Variants in TAFA1 observed in about 807,000 individuals in gnomAD.
TAFA1 encodes TAFA chemokine like family member 1.
In TAFA1, 4 loss-of-function variants were observed where a neutral mutation model predicts 18.5. The ratio of observed to expected loss-of-function variants is 0.22; its 90% CI spans 0.11 to 0.49. The LOEUF is 0.49. Ranked by LOEUF, TAFA1 falls within the 20% of genes least tolerant of loss-of-function variation. The pLI is 0.98. For synonymous variants in TAFA1, 56 were observed against 55.2 expected, an observed-to-expected ratio of 1.01 and a Z score of -0.06; for missense variants, 147 against 169.0, an observed-to-expected ratio of 0.87 and a Z score of 0.72.
In TAFA1 at chr3:68,321,260, T is replaced by C. The variant is rs148737815; in HGVS notation, c.119-96020T>C. ...CCCTCTGTAACATTAGCTGCTATTA[T>C]TATTACCCCTCTTGGTCATGCCCAT... On this transcript the variant is annotated intron_variant, in intron 2 of 4. Transcript: ENST00000478136. Among the ~76,000 whole-genome samples, 58 of 152,320 alleles carry C rather than the reference T, an allele frequency of 3.8e-4. No individual in the cohort carries two copies. The East Asian group carries it at 0.011, about 28-fold the overall frequency.
At chr3:68,388,555 A>C (rs889217919) in intron 2 of TAFA1, among the ~76,000 whole-genome samples, 1 of 150,086 alleles carries the variant, frequency 6.7e-6, no homozygotes, top group Admixed American at 6.6e-5. Flanking sequence ...TTTGCCACCT[A>C]TGACGTTTTT....
At chr3:68,413,953 C>A (rs916250945) in intron 2 of TAFA1, among the ~76,000 whole-genome samples, 2 of 152,024 alleles carry the variant, frequency 1.3e-5, no homozygotes, top group Non-Finnish European at 2.9e-5. Flanking sequence ...CTGGGGTGCT[C>A]ATGCAGTAAC....
At chr3:68,370,704 T>A (rs997085422) in intron 2 of TAFA1, among the ~76,000 whole-genome samples, 1 of 148,928 alleles carries the variant, frequency 6.7e-6, no homozygotes, top group Non-Finnish European at 1.5e-5. Flanking sequence ...AAACTACATA[T>A]AAGAGCCACA....
At chr3:68,514,067 G>C (rs1016059829) in intron 3 of TAFA1, among the ~76,000 whole-genome samples, 4 of 152,096 alleles carry the variant, frequency 2.6e-5, no homozygotes, top group Admixed American at 6.6e-5. Flanking sequence ...CATGGCAAAA[G>C]GGGTGAGGAA....
At chr3:68,328,774 A>G (rs955209511) in intron 2 of TAFA1, among the ~76,000 whole-genome samples, 6 of 152,072 alleles carry the variant, frequency 3.9e-5, no homozygotes, top group African/African-American at 1.4e-4. Context: ...AAATATGTAT[A>G]TGGCCTTGCA....
At chr3:68,310,594 A>G (rs911925161) in intron 2 of TAFA1, among the ~76,000 whole-genome samples, 2 of 152,210 alleles carry the variant, frequency 1.3e-5, no homozygotes, top group Non-Finnish European at 2.9e-5. Context: ...TATAAACACT[A>G]TCATAAACTT....
intron 2 of TAFA1, among the ~76,000 whole-genome samples, chr3:68,322,933 A>T (rs2106710041): frequency 6.6e-6 from 1 of 152,078 alleles, no homozygotes; most frequent in Admixed American, 6.5e-5. Flanking sequence ...ACAGAGCAAG[A>T]CTCTGTCTCA....
intron 3 of TAFA1, among the ~76,000 whole-genome samples, chr3:68,508,745 G>GA (rs1307864608): frequency 6.6e-6 from 1 of 152,046 alleles, no homozygotes; most frequent in African/African-American, 2.4e-5. Flanking sequence ...TATAGTGCAT[G>GA]AAAAAATATA....
intron 2 of TAFA1, among the ~76,000 whole-genome samples, chr3:68,261,465 T>C (rs1294511246): frequency 6.6e-6 from 1 of 152,152 alleles, no homozygotes; most frequent in Non-Finnish European, 1.5e-5. Context: ...TACATGCACA[T>C]GTATGTTTAT....
intron 2 of TAFA1, among the ~76,000 whole-genome samples, chr3:68,033,376 T>C (rs756272017): frequency 3.3e-5 from 5 of 152,222 alleles, no homozygotes; most frequent in Non-Finnish European, 7.3e-5. Context: ...AAGTCATTTA[T>C]CTTTATATCC....
intron 2 of TAFA1, among the ~76,000 whole-genome samples, chr3:68,102,759 T>G (rs1286975380): frequency 1.3e-5 from 2 of 152,200 alleles, no homozygotes; most frequent in Non-Finnish European, 2.9e-5. Flanking sequence ...AGATTTCTCT[T>G]CAATTAGTTA....
intron 2 of TAFA1, among the ~76,000 whole-genome samples, chr3:68,323,294 G>T (rs2068722363): frequency 1.3e-5 from 2 of 152,246 alleles, no homozygotes; most frequent in South Asian, 4.1e-4. Flanking sequence ...GCCACCTGCA[G>T]ACCTACCCAG....
intron 2 of TAFA1, among the ~76,000 whole-genome samples, chr3:68,186,423 A>G (rs553529012): frequency 5.3e-5 from 8 of 152,206 alleles, no homozygotes; most frequent in Admixed American, 2.6e-4. Flanking sequence ...ACTCCAAAGC[A>G]TAACACAACC....
chr3:68,422,001 C>T (rs1290406553), intron 3 of TAFA1, among the ~76,000 whole-genome samples: 1 of 152,028 alleles, frequency 6.6e-6, no homozygotes, highest in Admixed American at 6.6e-5. Flanking sequence ...TACATCCATG[C>T]ACTAAAATCA....
chr3:68,240,423 C>G (rs895892287), intron 2 of TAFA1, among the ~76,000 whole-genome samples: 2 of 152,322 alleles, frequency 1.3e-5, no homozygotes, highest in East Asian at 3.9e-4. Flanking sequence ...CATTGGTCAA[C>G]TCCATAGGAG....
intron 2 of TAFA1, among the ~76,000 whole-genome samples, chr3:68,055,995 C>G (rs2064532294): frequency 6.6e-6 from 1 of 152,144 alleles, no homozygotes; most frequent in South Asian, 2.1e-4. Flanking sequence ...TTGAGCCTGT[C>G]ATTTTCTTCT....
intron 2 of TAFA1, among the ~76,000 whole-genome samples, chr3:68,108,837 C>T (rs1321532833): frequency 1.3e-5 from 2 of 151,896 alleles, no homozygotes; most frequent in Non-Finnish European, 2.9e-5. Flanking sequence ...AAACAGAGAT[C>T]TAGAAGTAGA....
rs1223157179 is a variant in TAFA1, at chr3:68,036,035, G to A, written c.118+29291G>A. On this transcript the variant is annotated intron_variant, in intron 2 of 4. Transcript: ENST00000478136. ...GGTAGGCATTGACTACAAAGAGTCAGTGTAAGGAAATTCTGGTGGGAAGGT... is the reference window on the plus strand; with the variant it reads ...GGTAGGCATTGACTACAAAGAGTCAATGTAAGGAAATTCTGGTGGGAAGGT... Among the ~76,000 whole-genome samples the A allele has an allele frequency of 1.3e-4, 20 of 152,182 alleles. 1 individual carries two copies. The highest frequency in any genetic ancestry group is 1.0e-3 in the Admixed American group (16 of 15,262).
At chr3:68,315,682 G>T (rs977723396) in intron 2 of TAFA1, among the ~76,000 whole-genome samples, 1 of 152,142 alleles carries the variant, frequency 6.6e-6, no homozygotes, top group African/African-American at 2.4e-5. Flanking sequence ...AGCACACTAT[G>T]CAAATTGTGT....
Sources: allele counts gnomAD v4.1 joint callset (sites outside exome capture counted in the v4.1 genomes callset), GRCh38; gene constraint gnomAD v4.1.1; transcripts MANE v1.5; gene names NCBI Gene and HGNC (gene_info 2026-07-23, HGNC 2026-07-21).